The following DLGAP2 variants were observed in gnomAD, a reference collection of about 807,000 sequenced individuals.
DLGAP2 encodes the protein disks large-associated protein 2.
Under a neutral mutation model 100.3 loss-of-function variants are expected in DLGAP2, and 26 were observed. The observed-to-expected ratio is 0.26, with a 90% confidence interval of 0.19 to 0.36. The LOEUF is 0.36. Ranked by LOEUF, DLGAP2 falls within the 10% of genes least tolerant of loss-of-function variation. DLGAP2 has a pLI of 1.00. For synonymous variants in DLGAP2, 886 were observed against 630.1 expected, an observed-to-expected ratio of 1.41 and a Z score of -6.08; for missense variants, 1,858 against 1,453.2, an observed-to-expected ratio of 1.28 and a Z score of -4.53.
At chr8:1,100,513 T>C (rs868427071) in intron 2 of DLGAP2, among the ~76,000 whole-genome samples, 1 of 152,136 alleles carries the variant, frequency 6.6e-6, no homozygotes. Flanking sequence ...TTGTGGTGTG[T>C]GTGTGTGTGT....
chr8:1,003,888 C>T (rs908409983), intron 2 of DLGAP2, among the ~76,000 whole-genome samples: 7 of 152,214 alleles, frequency 4.6e-5, no homozygotes. Context: ...ACAGACATTT[C>T]TTACTTGTGT....
chr8:1,123,609 A>G (rs1051074184), intron 2 of DLGAP2, among the ~76,000 whole-genome samples: 4 of 152,156 alleles, frequency 2.6e-5, no homozygotes, highest in African/African-American at 9.7e-5. Flanking sequence ...CATTCAAATA[A>G]TGTGTAATTT....
chr8:880,451 C>T (rs1431719646), intron 1 of DLGAP2, among the ~76,000 whole-genome samples: 1 of 152,232 alleles, frequency 6.6e-6, no homozygotes, highest in Non-Finnish European at 1.5e-5. Context: ...TGTGTCCCCT[C>T]TCCAGCCCTT....
chr8:1,449,560 C>G (rs987063067), intron 3 of DLGAP2, among the ~76,000 whole-genome samples: 9 of 152,314 alleles, frequency 5.9e-5, no homozygotes, highest in African/African-American at 2.2e-4. Flanking sequence ...TGAGTCCTGT[C>G]TGCACCCAGA....
intron 1 of DLGAP2, among the ~76,000 whole-genome samples, chr8:784,759 G>C (rs1434512779): frequency 6.6e-6 from 1 of 152,174 alleles, no homozygotes; most frequent in Non-Finnish European, 1.5e-5. Context: ...GTGAAGACCA[G>C]TGCCATCTGT....
chr8:1,589,401 G>A lies in DLGAP2; in HGVS notation c.1442+23507G>A, dbSNP rs149931235. On this transcript the variant is annotated intron_variant, in intron 6 of 14. Coordinates refer to ENST00000637795, the MANE Select transcript of DLGAP2 (RefSeq NM_001346810.2). Reference sequence around the variant, plus strand: ...CTGTGTGTTTCAAAGCCTCAGAAATGAAACTTATTCCTTGCATGTTGCCAC... The same window carrying A: ...CTGTGTGTTTCAAAGCCTCAGAAATAAAACTTATTCCTTGCATGTTGCCAC... Among the ~76,000 whole-genome samples the A allele has an allele frequency of 2.8e-3, 433 of 152,296 alleles. 4 individuals carry two copies. The highest frequency in any genetic ancestry group is 9.8e-3 in the African/African-American group (407 of 41,564).
At chr8:1,359,444 C>T (rs1801927422) in intron 3 of DLGAP2, among the ~76,000 whole-genome samples, 1 of 152,260 alleles carries the variant, frequency 6.6e-6, no homozygotes, top group Non-Finnish European at 1.5e-5. Context: ...CAGGTTGGAG[C>T]CCAGGAACGT....
At chr8:1,312,428 C>T (rs1182713588) in intron 3 of DLGAP2, among the ~76,000 whole-genome samples, 2 of 152,158 alleles carry the variant, frequency 1.3e-5, no homozygotes, top group Non-Finnish European at 2.9e-5. Context: ...CTTTGCAAAT[C>T]ACGTATCCAG....
At chr8:972,679 C>T (rs1800044072) in intron 2 of DLGAP2, among the ~76,000 whole-genome samples, 1 of 150,374 alleles carries the variant, frequency 6.7e-6, no homozygotes. Context: ...GGGGATTTGG[C>T]AGGGTCATAG....
intron 1 of DLGAP2, among the ~76,000 whole-genome samples, chr8:818,922 C>CAACAAAACTT (rs1796536067): frequency 6.6e-6 from 1 of 152,056 alleles, no homozygotes; most frequent in Non-Finnish European, 1.5e-5. Context: ...TTTAATGGAG[C>CAACAAAACTT]AGTAACCATG....
chr8:1,275,193 C>T (rs529853216), intron 3 of DLGAP2, among the ~76,000 whole-genome samples: 16 of 152,220 alleles, frequency 1.1e-4, no homozygotes, highest in Admixed American at 1.3e-4. Flanking sequence ...AAAACCTGAT[C>T]CCAATGTTAA....
intron 4 of DLGAP2, among the ~76,000 whole-genome samples, chr8:1,546,458 C>T (rs1801538229): frequency 6.6e-6 from 1 of 152,250 alleles, no homozygotes. Context: ...GTATCCCTTC[C>T]TTATCCCATG....
intron 4 of DLGAP2, among the ~76,000 whole-genome samples, chr8:1,538,371 T>C (rs1039513164): frequency 1.3e-5 from 2 of 152,192 alleles, no homozygotes; most frequent in African/African-American, 4.8e-5. Context: ...GCTGGGCACA[T>C]TTTAAAACAT....
chr8:1,682,888 C>T (rs1480907617), intron 12 of DLGAP2, among the ~76,000 whole-genome samples: 1 of 151,584 alleles, frequency 6.6e-6, no homozygotes, highest in Non-Finnish European at 1.5e-5. Flanking sequence ...TTATATTCCC[C>T]TAAACATATG....
At chr8:1,026,394 T>C (rs1801800999) in intron 2 of DLGAP2, among the ~76,000 whole-genome samples, 1 of 152,188 alleles carries the variant, frequency 6.6e-6, no homozygotes, top group Non-Finnish European at 1.5e-5. Context: ...ACTGTCTGGC[T>C]TTGTGGACGA....
intron 2 of DLGAP2, among the ~76,000 whole-genome samples, chr8:1,205,389 A>G (rs946668704): frequency 3.5e-4 from 53 of 151,084 alleles, no homozygotes; most frequent in Admixed American, 4.0e-4. Context: ...TCTTCCTGAA[A>G]AGGCTCTAGA....
At chr8:859,366 C>A (rs1441273735) in intron 1 of DLGAP2, among the ~76,000 whole-genome samples, 3 of 152,188 alleles carry the variant, frequency 2.0e-5, no homozygotes, top group Non-Finnish European at 4.4e-5. Context: ...TCTGCCTTGG[C>A]CTCCCAAAGG....
rs889906240 is a variant in DLGAP2 at position 1,704,164 on chromosome 8, T to C, written c.*2758T>C. 2 of 152,630 alleles carry C rather than the reference T, an allele frequency of 1.3e-5. No homozygotes were observed. Among genetic ancestry groups the C allele is most frequent in the Non-Finnish European group, 2.9e-5 (2 of 68,042 alleles). The allele number at this position is 152,630 out of a possible 1,614,324, so 9.5% of individuals were successfully genotyped here. A position where few individuals can be genotyped will look rare whatever the true frequency, so the allele number is the denominator to read the frequency against. On this transcript the variant is annotated 3_prime_UTR_variant, in exon 15 of 15. Coordinates refer to ENST00000637795, the MANE Select transcript of DLGAP2 (RefSeq NM_001346810.2). ...CAGCCACTTCTAGCAGATCATGCCA[T>C]GGAGCTCACGACGTGTGACCATTTC... is the stretch of plus-strand genomic sequence containing the variant.
At chr8:1,102,980 C>T (rs887006516) in intron 2 of DLGAP2, among the ~76,000 whole-genome samples, 1 of 151,556 alleles carries the variant, frequency 6.6e-6, no homozygotes, top group African/African-American at 2.4e-5. Context: ...TCATGAGATT[C>T]TGGGGTCTTC....
Sources: allele counts gnomAD v4.1 joint callset (sites outside exome capture counted in the v4.1 genomes callset), GRCh38; gene constraint gnomAD v4.1.1; transcripts MANE v1.5; gene names NCBI Gene and HGNC (gene_info 2026-07-23, HGNC 2026-07-21).